The following MID2 variants were observed in gnomAD, a reference collection of about 807,000 sequenced individuals.
MID2 encodes the protein midline 2, also known as probable E3 ubiquitin-protein ligase MID2.
MID2 carries 13 observed loss-of-function variants against 46.1 expected under a neutral mutation model. The ratio of observed to expected loss-of-function variants is 0.28; its 90% CI spans 0.18 to 0.45. The LOEUF (loss-of-function observed/expected upper bound fraction) is 0.45. Ranked by LOEUF, MID2 falls within the 20% of genes least tolerant of loss-of-function variation. MID2 has a pLI of 1.00. For synonymous variants in MID2, 199 were observed against 212.3 expected (o/e 0.94, Z 0.55); for missense variants, 431 against 575.4 (o/e 0.75, Z 2.57).
At position 107,898,903 on chromosome X, in the gene MID2, T is replaced by C. The variant is rs202031383; in HGVS notation, c.817-5055T>C. On this transcript the variant is annotated intron_variant, in intron 3 of 9. Coordinates refer to ENST00000262843, the MANE Select transcript of MID2 (RefSeq NM_012216.4). The stretch of plus-strand genomic sequence containing the variant: ...AGCCAGTGAGGAATTCCTTGCCATA[T>C]AATTATTATTATTATTATTGCATTT... 3.7e-4 allele frequency among the ~76,000 whole-genome samples: 41 copies of C among 111,482 alleles called. No homozygotes were observed. The East Asian group carries it at 0.01, about 27-fold the overall frequency.
chrX:107,873,108 G>A (rs1247721524), intron 3 of MID2, among the ~76,000 whole-genome samples: 1 of 111,503 alleles, frequency 9.0e-6, no homozygotes, highest in African/African-American at 3.3e-5. Flanking sequence ...TTGAACAGGG[G>A]CCATTATCAC....
At chrX:107,858,580 G>A (rs191400450) in intron 3 of MID2, among the ~76,000 whole-genome samples, 4 of 112,197 alleles carry the variant, frequency 3.6e-5, no homozygotes, top group South Asian at 3.7e-4. Flanking sequence ...TGGGCGATTT[G>A]GGGGCTACAA....
intron 3 of MID2, among the ~76,000 whole-genome samples, chrX:107,890,866 A>C (rs897400226): frequency 9.1e-6 from 1 of 109,660 alleles, no homozygotes; most frequent in African/African-American, 3.3e-5. Context: ...TTGATCTCAG[A>C]GTGCTGTGCT....
intron 1 of MID2, among the ~76,000 whole-genome samples, chrX:107,838,421 C>A (rs1931255795): frequency 8.9e-6 from 1 of 111,847 alleles, no homozygotes; most frequent in African/African-American, 3.2e-5. Flanking sequence ...ATGTTATAAG[C>A]TACAAAATAC....
At chrX:107,891,209 C>A (rs750052043) in intron 3 of MID2, among the ~76,000 whole-genome samples, 20 of 109,883 alleles carry the variant, frequency 1.8e-4, no homozygotes, top group African/African-American at 6.6e-4. Flanking sequence ...GCGTCACACA[C>A]GCTGGGAGCT....
intron 3 of MID2, among the ~76,000 whole-genome samples, chrX:107,882,688 A>G (rs1173369836): frequency 8.9e-6 from 1 of 112,069 alleles, no homozygotes; most frequent in Non-Finnish European, 1.9e-5. Context: ...GCGATCATTA[A>G]AAAGTCAGGA....
chrX:107,837,691 C>T (rs1326833354), intron 1 of MID2, among the ~76,000 whole-genome samples: 1 of 110,364 alleles, frequency 9.1e-6, no homozygotes, highest in Admixed American at 9.6e-5. Flanking sequence ...AGAGCACAGG[C>T]ATTGGAATTA....
chrX:107,845,871 T>C (rs1931460484), intron 2 of MID2, among the ~76,000 whole-genome samples: 1 of 110,999 alleles, frequency 9.0e-6, no homozygotes, highest in Admixed American at 9.6e-5. Flanking sequence ...TCTCAACCAG[T>C]GTAAGTATAA....
At chrX:107,859,063 G>T (rs1308669255) in intron 3 of MID2, among the ~76,000 whole-genome samples, 3 of 111,920 alleles carry the variant, frequency 2.7e-5, no homozygotes, top group Non-Finnish European at 5.6e-5. Flanking sequence ...TCTCTTTAGA[G>T]TTCAAACTTC....
intron 3 of MID2, among the ~76,000 whole-genome samples, chrX:107,866,603 G>T (rs776172369): frequency 6.3e-5 from 7 of 111,688 alleles, no homozygotes; most frequent in Non-Finnish European, 1.1e-4. Context: ...TCCACTGTGG[G>T]TTTAGCATAG....
chrX:107,843,674 G>A (rs902368042), intron 2 of MID2, among the ~76,000 whole-genome samples: 2 of 111,073 alleles, frequency 1.8e-5, no homozygotes, highest in Non-Finnish European at 3.8e-5. Flanking sequence ...TGTGTGTTGC[G>A]GGGGTGGAGG....
chrX:107,855,322 C>A (rs1328431891), intron 3 of MID2, among the ~76,000 whole-genome samples: 1 of 111,881 alleles, frequency 8.9e-6, no homozygotes, highest in Non-Finnish European at 1.9e-5. Context: ...TCATCTACAT[C>A]AAATCTTAGA....
At chrX:107,891,091 G>A (rs981972945) in intron 3 of MID2, among the ~76,000 whole-genome samples, 3 of 109,518 alleles carry the variant, frequency 2.7e-5, no homozygotes, top group Non-Finnish European at 5.7e-5. Flanking sequence ...ACCCTGCTTC[G>A]GCTCACGCTC....
At chrX:107,890,206 G>C (rs1932566176) in intron 3 of MID2, among the ~76,000 whole-genome samples, 1 of 112,110 alleles carries the variant, frequency 8.9e-6, no homozygotes, top group Non-Finnish European at 1.9e-5. Flanking sequence ...GATTTTTAGA[G>C]TTTCCAGTTT....
At chrX:107,880,682 G>A (rs73529364) in intron 3 of MID2, among the ~76,000 whole-genome samples, 1,572 of 112,484 alleles carry the variant, frequency 0.014, 22 homozygotes, top group African/African-American at 0.048. Context: ...TGGAATAATG[G>A]CAGGTAATCA....
At chrX:107,868,751 G>A (rs1032481376) in intron 3 of MID2, among the ~76,000 whole-genome samples, 2 of 110,786 alleles carry the variant, frequency 1.8e-5, no homozygotes, top group African/African-American at 6.6e-5. Flanking sequence ...TATAGAGAGA[G>A]CTGTTAAGAG....
At chrX:107,893,221 T>C (rs1932641845) in intron 3 of MID2, among the ~76,000 whole-genome samples, 1 of 112,734 alleles carries the variant, frequency 8.9e-6, no homozygotes, top group African/African-American at 3.2e-5. Flanking sequence ...ACAGTTAATG[T>C]CCTTTTGATC....
intron 3 of MID2, among the ~76,000 whole-genome samples, chrX:107,874,841 G>A (rs752971665): frequency 8.1e-5 from 9 of 111,027 alleles, no homozygotes; most frequent in Non-Finnish European, 1.7e-4. Context: ...TCTTTGCCCA[G>A]TGCTCTGGTC....
At chrX:107,840,563 C>A in intron 1 of MID2, 107 bp from the exon 2 acceptor site, 1 of 625,598 alleles carries the variant, frequency 1.6e-6, no homozygotes. Context: ...GCTTAAGCAT[C>A]TCTGGGGAAT....
Sources: gnomAD v4.1 joint callset for allele counts (sites outside exome capture counted in the v4.1 genomes callset) on GRCh38, gnomAD v4.1.1 for gene constraint, MANE v1.5 for transcripts, NCBI Gene and HGNC (gene_info 2026-07-23, HGNC 2026-07-21) for gene names.